YWHAQ: variants seen among roughly 807,000 people sequenced by gnomAD.
YWHAQ encodes the protein 14-3-3 protein theta.
YWHAQ carries 6 observed loss-of-function variants against 28.3 expected under a neutral mutation model. The ratio of observed to expected loss-of-function variants is 0.21; its 90% CI spans 0.12 to 0.42. The LOEUF is 0.42. YWHAQ is among the 10% of genes least tolerant of loss of function. The probability of loss-of-function intolerance (pLI) is 1.00; values close to 1 mark genes in which losing one functional copy is unlikely to be tolerated. For synonymous variants in YWHAQ, 143 were observed against 119.1 expected, an observed-to-expected ratio of 1.20 and a Z score of -1.31; for missense variants, 201 against 305.6, an observed-to-expected ratio of 0.66 and a Z score of 2.55.
chr2:9,585,446 TCAAA>T lies in YWHAQ; in HGVS notation c.679-105_679-102del, dbSNP rs1666324156. ...ATTAACTACAAGAGTAGTAAATTCCTCAAACAATGGAGATCTTGACTAAGACTGA... is the reference window on the plus strand; with the variant it reads ...ATTAACTACAAGAGTAGTAAATTCCTCAATGGAGATCTTGACTAAGACTGA... On this transcript the variant is annotated intron_variant, in intron 5 of 5. Transcript: ENST00000238081. The T allele has an allele frequency of 3.1e-6, 4 of 1,309,550 alleles. No individual in the cohort carries two copies. The South Asian group carries it at 3.8e-5, about 12-fold the overall frequency. 81.1% of individuals were successfully genotyped at this position (1,309,550 alleles called of 1,614,324 possible).
rs1281216859 is a variant in YWHAQ, at chr2:9,603,454, T to C, written c.295-11939A>G. Reference sequence around the variant, plus strand: ...CTGGCTAATTTTTCTAATTTTTTTTTAGAAGAGACGGGGTTTCTCCATGTT... The same window carrying C: ...CTGGCTAATTTTTCTAATTTTTTTTCAGAAGAGACGGGGTTTCTCCATGTT... On this transcript the variant is annotated intron_variant, in intron 2 of 5. Transcript: ENST00000238081. Among the ~76,000 whole-genome samples the C allele has an allele frequency of 2.0e-5, 3 of 151,462 alleles. No individual in the cohort carries two copies. The East Asian group carries it at 6.0e-4, about 30-fold the overall frequency.
At chr2:9,590,136 C>T (rs970900111) in intron 3 of YWHAQ, among the ~76,000 whole-genome samples, 9 of 152,294 alleles carry the variant, frequency 5.9e-5, no homozygotes, top group African/African-American at 1.4e-4. Flanking sequence ...CACAGGACTA[C>T]GTGTGAGACC....
At chr2:9,601,026 T>C (rs1666682600) in intron 2 of YWHAQ, among the ~76,000 whole-genome samples, 1 of 152,276 alleles carries the variant, frequency 6.6e-6, no homozygotes, top group African/African-American at 2.4e-5. Flanking sequence ...CAAAAATTTC[T>C]GTGACTTGCT....
At chr2:9,615,915 A>G (rs537269396) in intron 2 of YWHAQ, among the ~76,000 whole-genome samples, 7 of 152,154 alleles carry the variant, frequency 4.6e-5, no homozygotes, top group East Asian at 1.9e-4. Context: ...TTCCTTACTC[A>G]TGTCTTATCT....
At position 9,587,373 on chromosome 2, in the gene YWHAQ, T is replaced by C. The variant is rs181531681; in HGVS notation, c.678+41A>G. ...CCAAAATAAAATATAAATACTTTTG[T>C]TTCTGAAAAGAAAATAAAATTAAAA... On this transcript the variant is annotated intron_variant, in intron 5 of 5. Coordinates refer to ENST00000238081, the MANE Select transcript of YWHAQ (RefSeq NM_006826.4). 10 of 1,552,572 alleles carry C rather than the reference T, an allele frequency of 6.4e-6. No homozygotes were observed. The African/African-American group carries it at 1.4e-4, about 21-fold the overall frequency.
intron 2 of YWHAQ, among the ~76,000 whole-genome samples, chr2:9,599,340 A>G (rs1443282958): frequency 6.6e-6 from 1 of 152,224 alleles, no homozygotes; most frequent in Non-Finnish European, 1.5e-5. Context: ...GATCTAGCTA[A>G]TATCACTGAT....
chr2:9,595,100 TATC>T (rs149062496), intron 2 of YWHAQ, among the ~76,000 whole-genome samples: 17 of 152,316 alleles, frequency 1.1e-4, no homozygotes, highest in Middle Eastern at 6.8e-3. Flanking sequence ...TTCAGCCAGG[TATC>T]ATGGTTCTTT....
At chr2:9,598,979 G>A (rs114656849) in intron 2 of YWHAQ, among the ~76,000 whole-genome samples, 132 of 152,272 alleles carry the variant, frequency 8.7e-4, no homozygotes, top group African/African-American at 3.0e-3. Context: ...CAGCAATGTC[G>A]TAAGTGCAAA....
intron 2 of YWHAQ, among the ~76,000 whole-genome samples, chr2:9,596,063 G>A (rs1185700545): frequency 1.3e-5 from 2 of 152,148 alleles, no homozygotes; most frequent in African/African-American, 4.8e-5. Context: ...TTTAGGAAAT[G>A]CTAAAGGAAC....
intron 2 of YWHAQ, 79 bp from the exon 3 acceptor site, chr2:9,591,594 T>C: frequency 6.6e-7 from 1 of 1,506,106 alleles, no homozygotes; most frequent in Non-Finnish European, 8.9e-7. Context: ...AACTTCTGCC[T>C]AGCGGGCATT....
In YWHAQ at chr2:9,616,731, G is replaced by T. The variant is rs199904733; in HGVS notation, c.294+13428C>A. Among the ~76,000 whole-genome samples the T allele has an allele frequency of 8.1e-3, 1,241 of 152,342 alleles. 9 individuals carry two copies. The highest frequency in any genetic ancestry group is 9.9e-3 in the Non-Finnish European group (673 of 68,034). ...CATATCCACCAGGATTGGTGAGGAT[G>T]TAGAGAAACTGGAACTCTCTTACAC... On this transcript the variant is annotated intron_variant, in intron 2 of 5. Transcript: ENST00000238081.
intron 2 of YWHAQ, among the ~76,000 whole-genome samples, chr2:9,627,795 A>G (rs1163396439): frequency 1.3e-5 from 2 of 152,152 alleles, no homozygotes; most frequent in African/African-American, 4.8e-5. Flanking sequence ...AACTCTGCAC[A>G]TGAACTCTGC....
At chr2:9,591,262 ATTTTC>A in intron 3 of YWHAQ, 125 bp downstream of exon 3, 1 of 1,155,048 alleles carries the variant, frequency 8.7e-7, no homozygotes, top group Non-Finnish European at 1.2e-6. Context: ...GGTAATACTA[ATTTTC>A]TTGACATACA....
At chr2:9,608,800 C>T (rs73155540) in intron 2 of YWHAQ, among the ~76,000 whole-genome samples, 2 of 152,212 alleles carry the variant, frequency 1.3e-5, no homozygotes, top group Admixed American at 1.3e-4. Context: ...ATTAGCCAGG[C>T]GTGTTGGCGG....
intron 2 of YWHAQ, among the ~76,000 whole-genome samples, chr2:9,605,312 A>AT (rs1172331989): frequency 1.3e-5 from 2 of 149,566 alleles, no homozygotes; most frequent in African/African-American, 2.5e-5. Context: ...TAATTTTTGT[A>AT]TTTTTTTGTA....
At chr2:9,587,602 C>T (rs1246608142) in intron 4 of YWHAQ, 93 bp from the exon 5 acceptor site, 3 of 1,082,410 alleles carry the variant, frequency 2.8e-6, no homozygotes, top group East Asian at 5.0e-5. Context: ...TAAGTGAACA[C>T]CCACCTTATG....
intron 2 of YWHAQ, among the ~76,000 whole-genome samples, chr2:9,597,983 C>CT (rs1558543507): frequency 6.3e-5 from 5 of 79,086 alleles, no homozygotes; most frequent in African/African-American, 2.5e-4. Context: ...CCATGCCGGG[C>CT]TATTTTTTTT....
At chr2:9,615,187 C>T (rs1224445982) in intron 2 of YWHAQ, 3 of 152,120 alleles carry the variant, frequency 2.0e-5, no homozygotes, top group Non-Finnish European at 4.4e-5. Context: ...TGAACTGGAT[C>T]TCATTACCAA....
chr2:9,593,905 A>ATATAT (rs1553372584), intron 2 of YWHAQ, among the ~76,000 whole-genome samples: 23 of 127,628 alleles, frequency 1.8e-4, no homozygotes, highest in Admixed American at 8.6e-4. Flanking sequence ...GATTAAAAAA[A>ATATAT]ATATATATAT....
Sources: gnomAD v4.1 joint callset for allele counts (sites outside exome capture counted in the v4.1 genomes callset) on GRCh38, gnomAD v4.1.1 for gene constraint, MANE v1.5 for transcripts, NCBI Gene and HGNC (gene_info 2026-07-23, HGNC 2026-07-21) for gene names.